Variants in KCNH3 observed in about 807,000 individuals in gnomAD.
The protein encoded by KCNH3 is voltage-gated inwardly rectifying potassium channel KCNH3.
A neutral mutation model predicts 95.6 loss-of-function variants in KCNH3; 36 were observed. The observed-to-expected ratio is 0.38, with a 90% CI of 0.29 to 0.50. The LOEUF (loss-of-function observed/expected upper bound fraction) is 0.50. KCNH3 is among the 20% of genes least tolerant of loss of function. KCNH3 has a pLI of 0.95. For synonymous variants in KCNH3, 620 were observed against 646.3 expected, an observed-to-expected ratio of 0.96 and a Z score of 0.62; for missense variants, 1,030 against 1,484.1, an observed-to-expected ratio of 0.69 and a Z score of 5.03.
intron 7 of KCNH3, among the ~76,000 whole-genome samples, chr12:49,547,994 A>G (rs1382810150): frequency 6.6e-6 from 1 of 152,032 alleles, no homozygotes; most frequent in African/African-American, 2.4e-5. Flanking sequence ...CTTGGGAGAG[A>G]CCTCAGCGCA....
chr12:49,544,141 T>TGCCATG, intron 6 of KCNH3, 34 bp from the exon 7 acceptor site: 1 of 1,413,416 alleles, frequency 7.1e-7, no homozygotes, highest in Non-Finnish European at 9.7e-7. Context: ...CCCGCTGACC[T>TGCCATG]CCCTCCCTCC....
chr12:49,544,403 A>G (rs369870592), intron 7 of KCNH3, 21 bp downstream of exon 7: 26 of 1,609,872 alleles, frequency 1.6e-5, no homozygotes, highest in South Asian at 2.2e-5. Context: ...CTCCCTCTGC[A>G]TGTGGTGGGG....
chr12:49,556,524 C>T (rs1211000022), intron 13 of KCNH3, 48 bp downstream of exon 13: 1 of 1,322,478 alleles, frequency 7.6e-7, no homozygotes, highest in Admixed American at 1.7e-5. Flanking sequence ...GCCCCTTTGC[C>T]TTGTGAACCT....
chr12:49,540,839 G>T lies in KCNH3; in HGVS notation c.77-60G>T, dbSNP rs150257048. 278 of 1,371,820 alleles carry T rather than the reference G, an allele frequency of 2.0e-4. 3 individuals carry two copies. In the Middle Eastern group the frequency reaches 2.7e-3, roughly 13 times the overall value. The allele number at this position is 1,371,820 out of a possible 1,614,324, so 85.0% of individuals were successfully genotyped here. On this transcript the variant is annotated intron_variant, in intron 1 of 14. Coordinates refer to ENST00000257981, the MANE Select transcript of KCNH3 (RefSeq NM_012284.3). ...TTGGTTGCAGGCATTTGAGAAAGGA[G>T]GGGTGGTAGGCCTCCTGCCCCTTCA...
chr12:49,547,136 G>T (rs549605229), intron 7 of KCNH3, among the ~76,000 whole-genome samples: 3 of 152,142 alleles, frequency 2.0e-5, no homozygotes, highest in African/African-American at 7.2e-5. Context: ...CTTGTGATCT[G>T]CCCACCTCGA....
intron 10 of KCNH3, among the ~76,000 whole-genome samples, chr12:49,552,304 T>C (rs1449882996): frequency 1.3e-5 from 2 of 152,242 alleles, no homozygotes; most frequent in Non-Finnish European, 2.9e-5. Context: ...AATAGCCATG[T>C]TCAGTGTGCA....
At chr12:49,542,480 G>A (rs975426202) in intron 3 of KCNH3, among the ~76,000 whole-genome samples, 3 of 152,238 alleles carry the variant, frequency 2.0e-5, no homozygotes, top group Non-Finnish European at 4.4e-5. Context: ...CTTCCTGGAA[G>A]CAGACCCCAG....
intron 5 of KCNH3, 136 bp from the exon 6 acceptor site, chr12:49,543,779 C>A: frequency 8.2e-7 from 1 of 1,214,000 alleles, no homozygotes. Flanking sequence ...CTACCTGTTA[C>A]AGTTACTGTG....
At chr12:49,548,116 G>A (rs1386640965) in intron 7 of KCNH3, among the ~76,000 whole-genome samples, 7 of 151,962 alleles carry the variant, frequency 4.6e-5, no homozygotes, top group African/African-American at 1.4e-4. Context: ...GTGTGTGTGT[G>A]TGTGTGTGTG....
intron 2 of KCNH3, 145 bp downstream of exon 2, chr12:49,541,277 C>G: frequency 1.4e-6 from 1 of 698,028 alleles, no homozygotes; most frequent in Non-Finnish European, 2.4e-6. Context: ...CATCCAACCC[C>G]TCTTGCTCCA....
Position 49,543,433 on chromosome 12 carries a change from G to A in KCNH3, c.738G>A (p.Val246=), listed in dbSNP as rs746515004. The A allele has an allele frequency of 6.2e-7, 1 of 1,607,592 alleles. No individual in the cohort carries two copies. ...TGGCTGTCACTGTGCCCTACAGCGT[G>A]TGTGTGAGCACAGCACGGGAGCCCA... ...LYVAVTVPYS[V]CVSTAREPSA... Residue 246 remains valine, a synonymous_variant, in exon 5 of 15, where the codon GTG becomes GTA. Transcript: ENST00000257981.
At position 49,555,893 on chromosome 12, in the gene KCNH3, C is replaced by G. The variant is rs775811894; in HGVS notation, c.2410C>G (p.Leu804Val). The G allele has an allele frequency of 6.2e-7, 1 of 1,602,732 alleles. No individual in the cohort carries two copies. The highest frequency in any genetic ancestry group is 8.5e-7 in the Non-Finnish European group (1 of 1,173,636). ...TGGCCCCTCTGCTCCCCCACGGGCCCTAGAGGGGCTACGGCTGCCCCCCAT... is the reference window on the plus strand; with the variant it reads ...TGGCCCCTCTGCTCCCCCACGGGCCGTAGAGGGGCTACGGCTGCCCCCCAT... ...EAGPSAPPRA[L>V]EGLRLPPMPW... is the part of the protein sequence containing the mutation. Residue 804 changes from leucine (L) to valine (V), a missense_variant, in exon 12 of 15, where the codon CTA becomes GTA. By Grantham distance (32) the Leu-to-Val change is conservative (BLOSUM62 1). This residue lies in a region of KCNH3 where 464 missense variants were observed against 493.2 expected (regional missense o/e 0.94). Coordinates refer to ENST00000257981, the MANE Select transcript of KCNH3 (RefSeq NM_012284.3).
chr12:49,556,410 C>T lies in KCNH3; in HGVS notation c.2509C>T (p.Pro837Ser), dbSNP rs1938445700. Residue 837 changes from proline (P) to serine (S), a missense_variant, in exon 13 of 15, where the codon CCC becomes TCC. By Grantham distance (74) the Pro-to-Ser change is moderately conservative. Coordinates refer to ENST00000257981, the MANE Select transcript of KCNH3 (RefSeq NM_012284.3). ...TGAAGACGGCTGTGGCTCGGACCAG[C>T]CCAAGTTCTCTTTCCGCGTGGGCCA... ...GIEDGCGSDQ[P>S]KFSFRVGQSG... The T allele has an allele frequency of 5.0e-6, 8 of 1,613,930 alleles. No individual in the cohort carries two copies. The highest frequency in any genetic ancestry group is 6.8e-6 in the Non-Finnish European group (8 of 1,179,960).
In KCNH3 at chr12:49,550,262, G is replaced by T; in HGVS notation, c.1851G>T (p.Gln617His). Residue 617 changes from glutamine to histidine, a missense_variant, in exon 10 of 15, where the codon CAG becomes CAT. This residue lies in a region of KCNH3 where 160 missense variants were observed against 316.2 expected (regional missense o/e 0.51). Coordinates refer to ENST00000257981, the MANE Select transcript of KCNH3 (RefSeq NM_012284.3). ...TCATCCACCAAGGCGATGCCCTGCA[G>T]GCCCTCTACTTTGTCTGCTCTGGCT... ...EYLIHQGDAL[Q>H]ALYFVCSGSM... 6.2e-7 allele frequency: 1 copy of T among 1,610,268 alleles called. No homozygotes were observed. The highest frequency in any genetic ancestry group is 8.5e-7 in the Non-Finnish European group (1 of 1,179,928).
chr12:49,555,072 C>T (rs980907504), intron 11 of KCNH3, among the ~76,000 whole-genome samples: 3 of 151,928 alleles, frequency 2.0e-5, no homozygotes, highest in Admixed American at 6.6e-5. Context: ...TGGTGGTGTC[C>T]GTATTTGGCT....
In KCNH3 at chr12:49,557,422, G is replaced by A. The variant is rs1938509434; in HGVS notation, c.2721G>A (p.Gln907=). 1 of 1,603,926 alleles carries A rather than the reference G, an allele frequency of 6.2e-7. No individual in the cohort carries two copies. Among genetic ancestry groups the A allele is most frequent in the African/African-American group, 1.3e-5 (1 of 74,814 alleles). Residue 907 remains glutamine, a synonymous_variant, in exon 15 of 15, where the codon CAG becomes CAA. Transcript: ENST00000257981. ...EGLQSLRQAV[Q]LVLAPHREGP... ...TGCAGTCACTTCGCCAGGCTGTGCA[G>A]CTTGTCCTGGCGCCCCACAGGGAGG... is the stretch of plus-strand genomic sequence containing the variant.
At chr12:49,548,729 T>C (rs1938152257) in intron 7 of KCNH3, among the ~76,000 whole-genome samples, 166 bp from the exon 8 acceptor site, 1 of 152,112 alleles carries the variant, frequency 6.6e-6, no homozygotes, top group Non-Finnish European at 1.5e-5. Flanking sequence ...GGCAGACTCT[T>C]CTGAGGGTTG....
chr12:49,539,796 C>T lies in KCNH3; in HGVS notation c.76+304C>T, dbSNP rs990326191. On this transcript the variant is annotated intron_variant, in intron 1 of 14. Coordinates refer to ENST00000257981, the MANE Select transcript of KCNH3 (RefSeq NM_012284.3). The surrounding 1 kb of genome is among the most constrained non-coding windows in gnomAD (Gnocchi z 6.7). Reference sequence around the variant, plus strand: ...AACCTAGTCAGTCTGACCCATCCCACCCCTGCGTCTGGCGCTGTCGCAGCA... The same window carrying T: ...AACCTAGTCAGTCTGACCCATCCCATCCCTGCGTCTGGCGCTGTCGCAGCA... Among the ~76,000 whole-genome samples, 29 of 152,328 alleles carry T rather than the reference C, an allele frequency of 1.9e-4. No homozygotes were observed. Among genetic ancestry groups the T allele is most frequent in the Admixed American group, 1.2e-3 (19 of 15,312 alleles).
At chr12:49,555,134 A>G (rs1938390148) in intron 11 of KCNH3, among the ~76,000 whole-genome samples, 2 of 152,010 alleles carry the variant, frequency 1.3e-5, no homozygotes, top group African/African-American at 4.8e-5. Flanking sequence ...CTTTAGATAG[A>G]TTATAGATTA....
Sources: allele counts gnomAD v4.1 joint callset (sites outside exome capture counted in the v4.1 genomes callset), GRCh38; gene constraint gnomAD v4.1.1; regional missense constraint gnomAD v4.1.1; non-coding constraint Gnocchi (gnomAD v3.1); transcripts MANE v1.5; gene names NCBI Gene and HGNC (gene_info 2026-07-23, HGNC 2026-07-21).